Variants in ARHGEF3 observed in about 807,000 individuals in gnomAD.
The protein encoded by ARHGEF3 is 59.8 kDA protein.
In ARHGEF3, 28 loss-of-function variants were observed where a neutral mutation model predicts 63.2. The ratio of observed to expected loss-of-function variants is 0.44; its 90% CI spans 0.33 to 0.61. The LOEUF (loss-of-function observed/expected upper bound fraction) is 0.61, where lower values mean the gene tolerates loss of function less well. Ranked by LOEUF, ARHGEF3 falls within the 20% of genes least tolerant of loss-of-function variation. The pLI is 0.03. For missense variants in ARHGEF3, 533 were observed against 659.3 expected, an observed-to-expected ratio of 0.81 and a Z score of 2.10; for synonymous variants, 266 against 254.2, an observed-to-expected ratio of 1.05 and a Z score of -0.44.
intron 7 of ARHGEF3, among the ~76,000 whole-genome samples, chr3:56,743,892 C>A (rs2034206039): frequency 6.6e-6 from 1 of 152,234 alleles, no homozygotes; most frequent in South Asian, 2.1e-4. Context: ...GTCTCTTCCT[C>A]CTCAGTCCCT....
intron 4 of ARHGEF3, among the ~76,000 whole-genome samples, chr3:56,812,915 AG>A (rs2038123341): frequency 1.3e-5 from 2 of 152,218 alleles, no homozygotes; most frequent in South Asian, 4.1e-4. Flanking sequence ...TGGTGAACAA[AG>A]CTCATCTGTC....
chr3:56,882,349 T>C, exon 4 of ARHGEF3: 1 of 1,551,714 alleles, frequency 6.4e-7, no homozygotes, highest in Non-Finnish European at 8.7e-7. Flanking sequence ...TCTGTTTCCG[T>C]TTTCGCTGCA....
intron 3 of ARHGEF3, among the ~76,000 whole-genome samples, chr3:56,888,102 G>T (rs1440385154): frequency 2.3e-5 from 1 of 44,000 alleles, no homozygotes; most frequent in Admixed American, 4.2e-4. Context: ...TCAAATAAGA[G>T]CTTTTTTTTT....
chr3:57,045,539 C>A (rs1704416698), intron 1 of ARHGEF3, among the ~76,000 whole-genome samples: 1 of 152,222 alleles, frequency 6.6e-6, no homozygotes, highest in Non-Finnish European at 1.5e-5. Flanking sequence ...CTCCTCACCA[C>A]AAGCAATGGC....
intron 1 of ARHGEF3, among the ~76,000 whole-genome samples, chr3:57,077,974 C>T (rs542691826): frequency 2.0e-5 from 3 of 152,216 alleles, no homozygotes; most frequent in South Asian, 2.1e-4. Flanking sequence ...GAAGGAGCAA[C>T]TGCCTGCACA....
chr3:56,937,649 A>G (rs1471776771), intron 3 of ARHGEF3, among the ~76,000 whole-genome samples: 1 of 152,214 alleles, frequency 6.6e-6, no homozygotes, highest in Non-Finnish European at 1.5e-5. Flanking sequence ...CCTCCCTGCT[A>G]GAACAAGTAT....
At chr3:56,813,685 T>G (rs2038155779) in intron 4 of ARHGEF3, among the ~76,000 whole-genome samples, 1 of 152,152 alleles carries the variant, frequency 6.6e-6, no homozygotes, top group Non-Finnish European at 1.5e-5. Context: ...TGCTTCAGTT[T>G]CCTGTTCATA....
intron 3 of ARHGEF3, among the ~76,000 whole-genome samples, chr3:56,895,478 T>C (rs1374917125): frequency 6.6e-6 from 1 of 151,894 alleles, no homozygotes; most frequent in African/African-American, 2.4e-5. Context: ...ATTTATTTTT[T>C]TTTGAGATGG....
intron 4 of ARHGEF3, among the ~76,000 whole-genome samples, chr3:56,838,152 T>C (rs1490502538): frequency 6.6e-6 from 1 of 152,192 alleles, no homozygotes; most frequent in African/African-American, 2.4e-5. Context: ...TTAACAATAA[T>C]GGTATAAAAA....
Position 56,729,290 on chromosome 3 carries a change from G to A in ARHGEF3, c.1561C>T (p.His521Tyr). The change falls in exon 10 of 10, where the codon CAC (histidine) becomes TAC (tyrosine). Residue 521 changes from histidine to tyrosine, a missense_variant. Physicochemically the swap from His to Tyr is moderately conservative, Grantham distance 83. Transcript: ENST00000296315. ...QTDSSCGNSR[H>Y]GESNV ...TTCTGTCAGACGTTACTTTCACCGTGCCTGCTGTTTCCACAGGAAGAGTCT... is the reference window on the plus strand; with the variant it reads ...TTCTGTCAGACGTTACTTTCACCGTACCTGCTGTTTCCACAGGAAGAGTCT... 8 of 1,613,172 alleles carry A rather than the reference G, an allele frequency of 5.0e-6. No individual in the cohort carries two copies. The highest frequency in any genetic ancestry group is 6.8e-6 in the Non-Finnish European group (8 of 1,179,318).
intron 3 of ARHGEF3, among the ~76,000 whole-genome samples, chr3:56,891,455 T>C (rs1227892071): frequency 6.6e-6 from 1 of 151,568 alleles, no homozygotes; most frequent in Non-Finnish European, 1.5e-5. Context: ...GGTGGAGAAA[T>C]GGGAAATCAT....
At chr3:57,016,131 T>C (rs1215633199) in intron 2 of ARHGEF3, among the ~76,000 whole-genome samples, 1 of 152,178 alleles carries the variant, frequency 6.6e-6, no homozygotes, top group Non-Finnish European at 1.5e-5. Context: ...TTGTGACCTC[T>C]ACTGAAATCC....
chr3:56,775,095 GGT>G, intron 1 of ARHGEF3: 1 of 1,551,126 alleles, frequency 6.4e-7, no homozygotes, highest in Non-Finnish European at 8.7e-7. Flanking sequence ...AGCCAATTGT[GGT>G]GGCAAACCTC....
intron 1 of ARHGEF3, among the ~76,000 whole-genome samples, chr3:57,052,184 C>T (rs1250231155): frequency 6.8e-6 from 1 of 146,542 alleles, no homozygotes; most frequent in Non-Finnish European, 1.5e-5. Context: ...TGCCCAAGGC[C>T]GCCAGCCAGC....
intron 2 of ARHGEF3, among the ~76,000 whole-genome samples, chr3:56,963,096 G>T (rs1013465248): frequency 6.6e-6 from 1 of 151,998 alleles, no homozygotes; most frequent in Non-Finnish European, 1.5e-5. Flanking sequence ...CTTTCTTGGT[G>T]GGGGACTTCA....
intron 2 of ARHGEF3, among the ~76,000 whole-genome samples, chr3:56,980,101 T>A (rs191311662): frequency 2.4e-4 from 36 of 152,308 alleles, no homozygotes; most frequent in Non-Finnish European, 4.4e-4. Flanking sequence ...CAATGGTAAG[T>A]CGAAAATGCA....
In ARHGEF3 at chr3:56,968,983, A is replaced by G. The variant is rs185719109; in HGVS notation, c.63-10094T>C. On this transcript the variant is annotated intron_variant, in intron 2 of 12. Coordinates refer to the ARHGEF3 transcript ENST00000338458. Reference sequence around the variant, plus strand: ...CAGTTGGTGACAACCAAAATACATAAATTGAGAACCCCTGCTAAAAACGAC... The same window carrying G: ...CAGTTGGTGACAACCAAAATACATAGATTGAGAACCCCTGCTAAAAACGAC... Among the ~76,000 whole-genome samples, 627 of 152,316 alleles carry G rather than the reference A, an allele frequency of 4.1e-3. 2 individuals are homozygous for G. Among genetic ancestry groups the G allele is most frequent in the African/African-American group, 0.015 (603 of 41,566 alleles).
At chr3:56,913,541 C>G (rs1311873133) in intron 3 of ARHGEF3, among the ~76,000 whole-genome samples, 1 of 152,232 alleles carries the variant, frequency 6.6e-6, no homozygotes, top group East Asian at 1.9e-4. Flanking sequence ...AACTGGAACC[C>G]TTGTGCACTG....
At chr3:56,940,478 T>C (rs1578893879) in intron 3 of ARHGEF3, 4 of 152,296 alleles carry the variant, frequency 2.6e-5, no homozygotes, top group African/African-American at 7.2e-5. Context: ...ACCTCACATA[T>C]GGCCAGAAAA....
Sources: allele counts gnomAD v4.1 joint callset (sites outside exome capture counted in the v4.1 genomes callset), GRCh38; gene constraint gnomAD v4.1.1; transcripts MANE v1.5; gene names NCBI Gene and HGNC (gene_info 2026-07-23, HGNC 2026-07-21).